BDKRB2: variants seen among roughly 807,000 people sequenced by gnomAD.
The protein encoded by BDKRB2 is B2 bradykinin receptor.
In BDKRB2, 6 loss-of-function variants were observed where a neutral mutation model predicts 4.0. The ratio of observed to expected loss-of-function variants is 1.49; its 90% CI spans 0.81 to 2.93. The LOEUF is 2.93. BDKRB2 is among the 30% of genes most tolerant of loss of function. The pLI is 0.00. For synonymous variants in BDKRB2, 225 were observed against 215.3 expected, an observed-to-expected ratio of 1.05 and a Z score of -0.40; for missense variants, 478 against 520.1, an observed-to-expected ratio of 0.92 and a Z score of 0.79.
chr14:96,226,941 G>A (rs1306714196), intron 1 of BDKRB2, among the ~76,000 whole-genome samples: 2 of 152,232 alleles, frequency 1.3e-5, no homozygotes, highest in Admixed American at 1.3e-4. Flanking sequence ...AAGCCCCTCG[G>A]GCAGTGTCCG....
At position 96,242,317 on chromosome 14, in the gene BDKRB2, T is replaced by C; in HGVS notation, c.*813T>C. ...CCAAGGTTCCAGCTCAACCAATAAC[T>C]ATTGCACAACCATCTGTCCCTGCCT... On this transcript the variant is annotated 3_prime_UTR_variant, in exon 3 of 3. Coordinates refer to ENST00000554311, the MANE Select transcript of BDKRB2 (RefSeq NM_001379692.1). 6.6e-6 allele frequency: 1 copy of C among 152,298 alleles called. No homozygotes were observed. Among genetic ancestry groups the C allele is most frequent in the Non-Finnish European group, 1.5e-5 (1 of 68,038 alleles). The allele number at this position is 152,298 out of a possible 1,614,324, so 9.4% of individuals were successfully genotyped here.
At chr14:96,217,839 C>T (rs1890462023) in intron 1 of BDKRB2, among the ~76,000 whole-genome samples, 1 of 152,150 alleles carries the variant, frequency 6.6e-6, no homozygotes, top group African/African-American at 2.4e-5. Context: ...TCCCTAAGTC[C>T]CTTCTGAGCC....
At chr14:96,218,308 A>T (rs1026412518) in intron 1 of BDKRB2, among the ~76,000 whole-genome samples, 1 of 152,134 alleles carries the variant, frequency 6.6e-6, no homozygotes, top group African/African-American at 2.4e-5. Flanking sequence ...CTTTGGCTCT[A>T]GCATGTCTGT....
chr14:96,239,385 G>A, intron 2 of BDKRB2: 3 of 985,450 alleles, frequency 3.0e-6, no homozygotes, highest in Non-Finnish European at 3.6e-6. Context: ...AGCTAGGAGT[G>A]GAACTCATGG....
chr14:96,232,109 G>A (rs560411299), intron 1 of BDKRB2, among the ~76,000 whole-genome samples: 6 of 152,342 alleles, frequency 3.9e-5, no homozygotes, highest in African/African-American at 1.2e-4. Context: ...AGCCCCTGGT[G>A]TAGCTAAAGC....
In BDKRB2 at chr14:96,243,857, G is replaced by A. The variant is rs201845491; in HGVS notation, c.*2353G>A. On this transcript the variant is annotated 3_prime_UTR_variant, in exon 3 of 3. Coordinates refer to ENST00000554311, the MANE Select transcript of BDKRB2 (RefSeq NM_001379692.1). ...ACATGGTGAATGAAAAAAAAAAAAA[G>A]AGGCTGTGTTTTGTCACACAGGGCA... The A allele has an allele frequency of 8.3e-6, 2 of 240,428 alleles. No homozygotes were observed. The highest frequency in any genetic ancestry group is 1.6e-5 in the Non-Finnish European group (2 of 127,518). The allele number at this position is 240,428 out of a possible 1,614,324, so 14.9% of individuals were successfully genotyped here.
At chr14:96,214,962 C>T (rs1890384965) in intron 1 of BDKRB2, 1 of 152,162 alleles carries the variant, frequency 6.6e-6, no homozygotes, top group Admixed American at 6.5e-5. Context: ...CAGCTGTAGA[C>T]CTAAGAGAGT....
intron 1 of BDKRB2, chr14:96,211,241 C>G (rs1890294980): frequency 6.6e-6 from 1 of 152,252 alleles, no homozygotes; most frequent in African/African-American, 2.4e-5. Context: ...ACCTGCTGTG[C>G]TCTAAGAGTG....
At chr14:96,227,281 T>C (rs1890717584) in intron 1 of BDKRB2, among the ~76,000 whole-genome samples, 1 of 152,200 alleles carries the variant, frequency 6.6e-6, no homozygotes. Context: ...TTTAAGGGCT[T>C]TGCAATCATT....
chr14:96,227,008 T>C (rs948879509), intron 1 of BDKRB2, among the ~76,000 whole-genome samples: 3 of 152,132 alleles, frequency 2.0e-5, no homozygotes, highest in Admixed American at 2.0e-4. Flanking sequence ...GTCAAACCCC[T>C]AAAAGCCACT....
At chr14:96,221,698 G>T (rs1890565473) in intron 1 of BDKRB2, among the ~76,000 whole-genome samples, 1 of 152,000 alleles carries the variant, frequency 6.6e-6, no homozygotes, top group African/African-American at 2.4e-5. Context: ...AGAGCGTCCT[G>T]GTGTTTAGAG....
At chr14:96,215,753 GGCAT>G (rs1183451030) in intron 1 of BDKRB2, among the ~76,000 whole-genome samples, 2 of 152,118 alleles carry the variant, frequency 1.3e-5, no homozygotes, top group Admixed American at 1.3e-4. Flanking sequence ...CAGAGGAGCT[GGCAT>G]CTCATCAGAT....
At chr14:96,206,220 G>GCCA in intron 1 of BDKRB2, among the ~76,000 whole-genome samples, 1 of 152,194 alleles carries the variant, frequency 6.6e-6, no homozygotes, top group Non-Finnish European at 1.5e-5. Flanking sequence ...TGCTTGGGGT[G>GCCA]AGAGCAGGGG....
chr14:96,231,386 T>A (rs1237321857), intron 1 of BDKRB2, among the ~76,000 whole-genome samples: 1 of 152,194 alleles, frequency 6.6e-6, no homozygotes, highest in East Asian at 1.9e-4. Flanking sequence ...ACAGACAGCT[T>A]TGGCCTTCTT....
chr14:96,210,245 TTTAGACACAAAACGGGAGGCGGG>T (rs1890274840), intron 1 of BDKRB2, among the ~76,000 whole-genome samples: 2 of 152,226 alleles, frequency 1.3e-5, no homozygotes, highest in Admixed American at 1.3e-4. Flanking sequence ...TAGTTATCCA[TTTAGACACAAAACGGGAGGCGGG>T]TTGCATGACC....
chr14:96,231,064 A>G (rs969596562), intron 1 of BDKRB2, among the ~76,000 whole-genome samples: 5 of 152,244 alleles, frequency 3.3e-5, no homozygotes, highest in Non-Finnish European at 5.9e-5. Flanking sequence ...CACTGAGCAG[A>G]ATAATCTAAC....
chr14:96,212,633 G>T (rs1009838921), intron 1 of BDKRB2, among the ~76,000 whole-genome samples: 2 of 152,044 alleles, frequency 1.3e-5, no homozygotes, highest in African/African-American at 4.8e-5. Context: ...GTGGGTGGCG[G>T]CTCACTTGGG....
intron 1 of BDKRB2, among the ~76,000 whole-genome samples, chr14:96,228,406 C>T (rs1470852559): frequency 2.6e-5 from 4 of 152,124 alleles, no homozygotes; most frequent in Non-Finnish European, 5.9e-5. Flanking sequence ...GTCACACGGA[C>T]TTGAAGGATG....
intron 1 of BDKRB2, among the ~76,000 whole-genome samples, chr14:96,218,480 G>A (rs1322940219): frequency 1.3e-5 from 2 of 152,084 alleles, no homozygotes; most frequent in Non-Finnish European, 2.9e-5. Flanking sequence ...CTTTTTTAAA[G>A]TGAGGGCAAT....
Sources: gnomAD v4.1 joint callset for allele counts (sites outside exome capture counted in the v4.1 genomes callset) on GRCh38, gnomAD v4.1.1 for gene constraint, MANE v1.5 for transcripts, NCBI Gene and HGNC (gene_info 2026-07-23, HGNC 2026-07-21) for gene names.